Variants in THOC5 observed in about 807,000 individuals in gnomAD.
THOC5 encodes THO complex subunit 5.
Under a neutral mutation model 92.9 loss-of-function variants are expected in THOC5, and 43 were observed. The observed-to-expected ratio is 0.46, with a 90% CI of 0.36 to 0.60. The LOEUF is 0.60. THOC5 is among the 20% of genes least tolerant of loss of function. THOC5 has a pLI of 0.00. For missense variants in THOC5, 659 were observed against 849.4 expected (o/e 0.78, Z 2.79); for synonymous variants, 296 against 320.1 (o/e 0.92, Z 0.80).
intron 18 of THOC5, 86 bp from the exon 19 acceptor site, chr22:29,511,382 C>T (rs749953729): frequency 6.8e-7 from 1 of 1,468,670 alleles, no homozygotes; most frequent in Non-Finnish European, 9.2e-7. Flanking sequence ...CTGGATGGGC[C>T]CGAGCGCTGA....
At chr22:29,510,202 A>G (rs1286691431) in intron 19 of THOC5, among the ~76,000 whole-genome samples, 2 of 152,242 alleles carry the variant, frequency 1.3e-5, no homozygotes, top group Non-Finnish European at 2.9e-5. Context: ...GCTGTCAGGA[A>G]CTGCTGGCAT....
Position 29,539,457 on chromosome 22 carries a change from C to T in THOC5, c.472G>A (p.Asp158Asn). The change falls in exon 6 of 20, where the codon GAT becomes AAT. Residue 158 changes from aspartate (D) to asparagine (N), a missense_variant. Physicochemically the swap from Asp to Asn is conservative, Grantham distance 23. Coordinates refer to ENST00000490103, the MANE Select transcript of THOC5 (RefSeq NM_003678.5). The stretch of plus-strand genomic sequence containing the variant: ...TAAAACTCCTCTAAACTGACCAGAT[C>T]AATTTCTTCATGCTTTGACCTACAG... The part of the protein sequence containing the change: ...LEFKSKHEEI[D>N]LVSLEEFYKE... The T allele has an allele frequency of 6.2e-7, 1 of 1,613,638 alleles. No individual in the cohort carries two copies. The highest frequency in any genetic ancestry group is 8.5e-7 in the Non-Finnish European group (1 of 1,179,894).
rs541788116 is a variant in THOC5 at position 29,530,291 on chromosome 22, A to G, written c.848-1052T>C. Among the ~76,000 whole-genome samples, 17 of 150,590 alleles carry G rather than the reference A, an allele frequency of 1.1e-4. No individual in the cohort carries two copies. The South Asian group carries it at 3.4e-3, about 30-fold the overall frequency. On this transcript the variant is annotated intron_variant, in intron 8 of 19. Coordinates refer to ENST00000490103, the MANE Select transcript of THOC5 (RefSeq NM_003678.5). Reference sequence around the variant, plus strand: ...CATGTCTGGTTGGGAGGCCAAGGTGAGTGGATCACCTGAGATCAGGAGTTC... The same window carrying G: ...CATGTCTGGTTGGGAGGCCAAGGTGGGTGGATCACCTGAGATCAGGAGTTC...
chr22:29,513,492 A>G (rs553266974), intron 17 of THOC5, among the ~76,000 whole-genome samples: 9 of 152,070 alleles, frequency 5.9e-5, no homozygotes, highest in Non-Finnish European at 1.0e-4. Context: ...GGTCAGGACC[A>G]GCCCAGCCAA....
intron 19 of THOC5, among the ~76,000 whole-genome samples, chr22:29,509,275 CAAA>C (rs59981269): frequency 2.8e-5 from 2 of 70,908 alleles, no homozygotes; most frequent in Non-Finnish European, 2.9e-5. Flanking sequence ...GACTCTGTCT[CAAA>C]AAAAAAAAAA....
At chr22:29,532,721 T>C (rs979391420) in intron 7 of THOC5, among the ~76,000 whole-genome samples, 1 of 151,866 alleles carries the variant, frequency 6.6e-6, no homozygotes, top group African/African-American at 2.4e-5. Flanking sequence ...CTCATGCCTG[T>C]AATCCCAGCA....
In THOC5 at chr22:29,508,440, A is replaced by G. The variant is rs1181080862; in HGVS notation, c.*17T>C. On this transcript the variant is annotated 3_prime_UTR_variant, in exon 20 of 20. Coordinates refer to ENST00000490103, the MANE Select transcript of THOC5 (RefSeq NM_003678.5). ...TCAGGGTGAGGCCTTGGGGGAAACA[A>G]CGGTCTGCGCGGGAGATCAGCGATG... 6.2e-7 allele frequency: 1 copy of G among 1,614,046 alleles called. No homozygotes were observed. Among genetic ancestry groups the G allele is most frequent in the Admixed American group, 1.7e-5 (1 of 60,020 alleles).
intron 9 of THOC5, chr22:29,528,842 T>C (rs2063596605): frequency 6.0e-6 from 3 of 499,338 alleles, no homozygotes; most frequent in Non-Finnish European, 1.1e-5. Context: ...AGGCTGTATG[T>C]GCATTACCTT....
intron 2 of THOC5, among the ~76,000 whole-genome samples, chr22:29,545,935 A>G (rs2064008354): frequency 6.6e-6 from 1 of 152,214 alleles, no homozygotes; most frequent in Non-Finnish European, 1.5e-5. Flanking sequence ...TCCCTTCCAC[A>G]CTGCCCTAGC....
Position 29,508,621 on chromosome 22 carries a change from C to T in THOC5, c.1989-101G>A. 2.9e-6 allele frequency: 3 copies of T among 1,035,094 alleles called. No individual in the cohort carries two copies. In the South Asian group the frequency reaches 4.0e-5, roughly 14 times the overall value. 64.1% of individuals were successfully genotyped at this position (1,035,094 alleles called of 1,614,324 possible). ...AAGGGAAAAAGAAGAGGCAGAGTTA[C>T]ATGACACAGAATGTTGTTGAGAAAA... On this transcript the variant is annotated intron_variant, in intron 19 of 19. Transcript: ENST00000490103.
In THOC5 at chr22:29,506,931, G is replaced by A. The variant is rs76116255; in HGVS notation, c.*1526C>T. 8,938 of 152,104 alleles carry A rather than the reference G, an allele frequency of 0.059. 575 individuals carry two copies. Among genetic ancestry groups the A allele is most frequent in the African/African-American group, 0.15 (6,150 of 41,452 alleles). 9.4% of individuals were successfully genotyped at this position (152,104 alleles called of 1,614,324 possible). A position where few individuals can be genotyped will look rare whatever the true frequency, so the allele number is the denominator to read the frequency against. Reference sequence around the variant, plus strand: ...CCAGGCTGGAGTACAGTACAGGCACGATGAATAGCTCACTGCTACCTTGAA... The same window carrying A: ...CCAGGCTGGAGTACAGTACAGGCACAATGAATAGCTCACTGCTACCTTGAA... On this transcript the variant is annotated 3_prime_UTR_variant, in exon 20 of 20. Coordinates refer to ENST00000490103, the MANE Select transcript of THOC5 (RefSeq NM_003678.5).
rs116913032 is a variant in THOC5 at position 29,515,955 on chromosome 22, A to C, written c.1681+1074T>G. Among the ~76,000 whole-genome samples the C allele has an allele frequency of 0.024, 3,663 of 152,246 alleles. 360 individuals are homozygous for C. In the East Asian group the frequency reaches 0.35, roughly 15 times the overall value. ...CCAGGCTTGGCAACATAGTAAGAAC[A>C]TGCCTCTACAAAAAAACAAAAACAA... On this transcript the variant is annotated intron_variant, in intron 17 of 19. Transcript: ENST00000490103.
intron 1 of THOC5, among the ~76,000 whole-genome samples, chr22:29,549,646 C>T (rs1316247413): frequency 6.6e-6 from 1 of 152,200 alleles, no homozygotes; most frequent in Non-Finnish European, 1.5e-5. Context: ...TTTGCTGGCT[C>T]TTCATAATGC....
intron 5 of THOC5, among the ~76,000 whole-genome samples, chr22:29,541,859 TC>T (rs371246911): frequency 0.79 from 26,920 of 33,974 alleles, 10,750 homozygotes; most frequent in East Asian, 0.9. Context: ...AGACTCCATC[TC>T]CAAAAAAAAA....
intron 12 of THOC5, among the ~76,000 whole-genome samples, chr22:29,523,125 C>G (rs1053620953): frequency 3.3e-5 from 5 of 151,606 alleles, no homozygotes; most frequent in South Asian, 4.2e-4. Flanking sequence ...GCCTGTAATC[C>G]CAGCTACTCG....
intron 8 of THOC5, among the ~76,000 whole-genome samples, chr22:29,529,448 C>T (rs148849694): frequency 3.3e-5 from 5 of 152,286 alleles, no homozygotes; most frequent in African/African-American, 1.2e-4. Context: ...GAACAGAGAA[C>T]TTAAGTACAA....
At position 29,525,822 on chromosome 22, in the gene THOC5, A is replaced by T; in HGVS notation, c.1175+16T>A. 1 of 1,604,972 alleles carries T rather than the reference A, an allele frequency of 6.2e-7. No homozygotes were observed. Among genetic ancestry groups the T allele is most frequent in the Non-Finnish European group, 8.5e-7 (1 of 1,172,598 alleles). ...CCCCATCCCGCACGTCATTGCCCAG[A>T]GCGCCTGCTCAATACCCTGCACTGA... On this transcript the variant is annotated intron_variant, in intron 12 of 19. Coordinates refer to ENST00000490103, the MANE Select transcript of THOC5 (RefSeq NM_003678.5).
chr22:29,520,914 C>T, intron 13 of THOC5, 84 bp downstream of exon 13: 1 of 1,034,302 alleles, frequency 9.7e-7, no homozygotes, highest in South Asian at 1.3e-5. Context: ...CACCTCTGGC[C>T]CTAACAGGTC....
At chr22:29,515,007 T>C (rs1345562258) in intron 17 of THOC5, among the ~76,000 whole-genome samples, 1 of 148,074 alleles carries the variant, frequency 6.8e-6, no homozygotes, top group Non-Finnish European at 1.5e-5. Context: ...GCCCAGCCCA[T>C]AAAGTACTTT....
Sources: allele counts gnomAD v4.1 joint callset (sites outside exome capture counted in the v4.1 genomes callset), GRCh38; gene constraint gnomAD v4.1.1; transcripts MANE v1.5; gene names NCBI Gene and HGNC (gene_info 2026-07-23, HGNC 2026-07-21).